The following RTN4 variants were observed in gnomAD, a reference collection of about 807,000 sequenced individuals.
RTN4 encodes the protein reticulon-4.
Under a neutral mutation model 90.4 loss-of-function variants are expected in RTN4, and 32 were observed. The observed-to-expected ratio is 0.35, with a 90% confidence interval of 0.27 to 0.48. The LOEUF is 0.48. Ranked by LOEUF, RTN4 falls within the 20% of genes least tolerant of loss-of-function variation. The probability of loss-of-function intolerance (pLI) is 0.99; values close to 1 mark genes in which losing one functional copy is unlikely to be tolerated. For missense variants in RTN4, 1,706 were observed against 1,430.2 expected, an observed-to-expected ratio of 1.19 and a Z score of -3.11; for synonymous variants, 629 against 552.5, an observed-to-expected ratio of 1.14 and a Z score of -1.94.
intron 5 of RTN4, among the ~76,000 whole-genome samples, chr2:54,977,826 G>A (rs1427267411): frequency 1.3e-5 from 2 of 152,148 alleles, no homozygotes; most frequent in Non-Finnish European, 2.9e-5. Context: ...TTGCAAAGGA[G>A]CAAAACAAAC....
upstream of RTN4, among the ~76,000 whole-genome samples, chr2:55,113,854 C>T (rs1307698964): frequency 6.6e-6 from 1 of 152,180 alleles, no homozygotes; most frequent in Non-Finnish European, 1.5e-5. Context: ...AACACAGGCC[C>T]TTCACTGCTC....
intron 2 of RTN4, among the ~76,000 whole-genome samples, chr2:55,074,761 G>C (rs1367550201): frequency 6.6e-6 from 1 of 152,072 alleles, no homozygotes; most frequent in African/African-American, 2.4e-5. Context: ...CAGGAATAAA[G>C]GGATGGTTTA....
chr2:55,009,620 G>C (rs758362411), intron 3 of RTN4, among the ~76,000 whole-genome samples: 20 of 152,292 alleles, frequency 1.3e-4, no homozygotes, highest in Non-Finnish European at 2.8e-4. Context: ...AATTTTAAAG[G>C]TTCAAATCAG....
chr2:55,016,739 T>C (rs1185845813), intron 3 of RTN4, among the ~76,000 whole-genome samples: 2 of 152,182 alleles, frequency 1.3e-5, no homozygotes. Flanking sequence ...TGAGCGTGTA[T>C]TGTATGTCAG....
At chr2:55,008,418 A>T (rs1415928668) in intron 3 of RTN4, among the ~76,000 whole-genome samples, 1 of 152,074 alleles carries the variant, frequency 6.6e-6, no homozygotes, top group Non-Finnish European at 1.5e-5. Flanking sequence ...GTAATCTTAA[A>T]TATTACTCTG....
the RTN4 span, among the ~76,000 whole-genome samples, chr2:55,122,478 G>A: frequency 6.6e-6 from 1 of 152,110 alleles, no homozygotes; most frequent in African/African-American, 2.4e-5. Flanking sequence ...CCCCATAGTT[G>A]GTTTAATGTC....
Position 55,112,363 on chromosome 2 carries a change from G to A in RTN4, c.-214+157C>T, listed in dbSNP as rs536417994. ...AGAGGTCACAGAGCCAAAGTCAAGT[G>A]GTGATTAAGCAAGGCTTGAGCCCAG... On this transcript the variant is annotated intron_variant, in intron 1 of 3. Transcript: ENST00000427710. 4.6e-5 allele frequency among the ~76,000 whole-genome samples: 7 copies of A among 152,346 alleles called. No individual in the cohort carries two copies. The South Asian group carries it at 8.3e-4, about 18-fold the overall frequency.
the RTN4 span, among the ~76,000 whole-genome samples, chr2:55,134,888 T>G: frequency 6.6e-6 from 1 of 152,204 alleles, no homozygotes; most frequent in Non-Finnish European, 1.5e-5. Flanking sequence ...GGTCTAGATC[T>G]CTGCTGTCCA....
intron 2 of RTN4, among the ~76,000 whole-genome samples, chr2:55,065,604 C>G (rs1362097318): frequency 1.3e-5 from 2 of 152,114 alleles, no homozygotes; most frequent in African/African-American, 4.8e-5. Context: ...GAGCAAACCA[C>G]TACACACGCT....
the RTN4 span, among the ~76,000 whole-genome samples, chr2:55,120,910 A>G: frequency 6.6e-6 from 1 of 152,142 alleles, no homozygotes; most frequent in Non-Finnish European, 1.5e-5. Flanking sequence ...GCATTCAACC[A>G]CAGGGGTCCC....
intron 5 of RTN4, among the ~76,000 whole-genome samples, chr2:54,976,642 A>G (rs758646180): frequency 6.6e-6 from 1 of 152,232 alleles, no homozygotes; most frequent in Non-Finnish European, 1.5e-5. Context: ...AATAGTGGTT[A>G]AGTGTATTCA....
chr2:55,097,430 G>A (rs1251074156), intron 1 of RTN4, among the ~76,000 whole-genome samples: 1 of 152,012 alleles, frequency 6.6e-6, no homozygotes, highest in Non-Finnish European at 1.5e-5. Flanking sequence ...AGAAAGCTTT[G>A]GAACACTGGT....
At chr2:55,016,869 TAA>T (rs1681083120) in intron 3 of RTN4, among the ~76,000 whole-genome samples, 1 of 152,196 alleles carries the variant, frequency 6.6e-6, no homozygotes, top group Non-Finnish European at 1.5e-5. Flanking sequence ...GTCATACAGC[TAA>T]ATCAGTGAAA....
At chr2:55,084,717 A>G (rs767716374) in intron 1 of RTN4, among the ~76,000 whole-genome samples, 3 of 152,274 alleles carry the variant, frequency 2.0e-5, no homozygotes, top group African/African-American at 7.2e-5. Flanking sequence ...TACCCAGTCA[A>G]TGTCTGCCAA....
chr2:55,000,801 T>C (rs1217006053), intron 3 of RTN4, among the ~76,000 whole-genome samples: 1 of 152,154 alleles, frequency 6.6e-6, no homozygotes, highest in East Asian at 1.9e-4. Flanking sequence ...GAATACCAAA[T>C]GCTATTTCTA....
intron 5 of RTN4, among the ~76,000 whole-genome samples, chr2:54,981,428 G>C (rs1007114820): frequency 1.3e-5 from 2 of 151,782 alleles, no homozygotes; most frequent in African/African-American, 4.8e-5. Flanking sequence ...CATTTCTCTT[G>C]GAAATGAAAA....
At chr2:55,012,371 T>C (rs1044475971) in intron 3 of RTN4, among the ~76,000 whole-genome samples, 1 of 152,190 alleles carries the variant, frequency 6.6e-6, no homozygotes, top group African/African-American at 2.4e-5. Flanking sequence ...CATAGTGACA[T>C]CTACTTCTTT....
At chr2:55,062,409 T>C (rs937208067) in intron 2 of RTN4, among the ~76,000 whole-genome samples, 2 of 152,172 alleles carry the variant, frequency 1.3e-5, no homozygotes, top group African/African-American at 2.4e-5. Context: ...CATTCACCCC[T>C]AGACACTGCC....
At chr2:55,014,978 T>C (rs1022747510) in intron 3 of RTN4, among the ~76,000 whole-genome samples, 5 of 152,228 alleles carry the variant, frequency 3.3e-5, no homozygotes, top group African/African-American at 1.2e-4. Context: ...ATTTGTTTGA[T>C]TTGGTACAAG....
Sources: gnomAD v4.1 joint callset for allele counts (sites outside exome capture counted in the v4.1 genomes callset) on GRCh38, gnomAD v4.1.1 for gene constraint, MANE v1.5 for transcripts, NCBI Gene and HGNC (gene_info 2026-07-23, HGNC 2026-07-21) for gene names.